Variants in SNTB2 observed in about 807,000 individuals in gnomAD.
SNTB2 encodes the protein beta-2-syntrophin.
Under a neutral mutation model 46.2 loss-of-function variants are expected in SNTB2, and 34 were observed. The observed-to-expected ratio is 0.74, with a 90% CI of 0.56 to 0.98. SNTB2 has a LOEUF of 0.98. Ranked by LOEUF, SNTB2 falls within the 50% of genes least tolerant of loss-of-function variation. The probability of loss-of-function intolerance (pLI) is 0.00; values close to 1 mark genes in which losing one functional copy is unlikely to be tolerated. For synonymous variants in SNTB2, 290 were observed against 312.6 expected, an observed-to-expected ratio of 0.93 and a Z score of 0.76; for missense variants, 603 against 731.4, an observed-to-expected ratio of 0.82 and a Z score of 2.02.
chr16:69,301,766 G>A lies in SNTB2; in HGVS notation c.*842G>A, dbSNP rs1024404356. 2 of 152,388 alleles carry A rather than the reference G, an allele frequency of 1.3e-5. No individual in the cohort carries two copies. Among genetic ancestry groups the A allele is most frequent in the African/African-American group, 4.8e-5 (2 of 41,402 alleles). The allele number at this position is 152,388 out of a possible 1,614,324, so 9.4% of individuals were successfully genotyped here. On this transcript the variant is annotated 3_prime_UTR_variant, in exon 7 of 7. Coordinates refer to ENST00000336278, the MANE Select transcript of SNTB2 (RefSeq NM_006750.4). ...CCTAGGTTAAGCCATTTTTTTTATT[G>A]CTTACCAAATGTGCCTTTGGTTAGG... is the stretch of plus-strand genomic sequence containing the variant.
intron 1 of SNTB2, among the ~76,000 whole-genome samples, chr16:69,242,177 A>G (rs191869690): frequency 2.7e-4 from 41 of 151,988 alleles, no homozygotes; most frequent in African/African-American, 9.4e-4. Flanking sequence ...TGTAATCCCA[A>G]CGCTTTGAGA....
chr16:69,284,735 C>G (rs901234962), intron 5 of SNTB2, among the ~76,000 whole-genome samples: 1 of 152,148 alleles, frequency 6.6e-6, no homozygotes, highest in African/African-American at 2.4e-5. Flanking sequence ...GATCACACCA[C>G]TGCACTCCAG....
chr16:69,289,579 TGTAACAAAATATCAG>T (rs1965140256), intron 5 of SNTB2, among the ~76,000 whole-genome samples: 1 of 152,284 alleles, frequency 6.6e-6, no homozygotes, highest in African/African-American at 2.4e-5. Flanking sequence ...ATTTTACACA[TGTAACAAAATATCAG>T]GTAACAAAAT....
intron 1 of SNTB2, among the ~76,000 whole-genome samples, chr16:69,235,074 A>G (rs554033469): frequency 6.6e-6 from 1 of 151,176 alleles, no homozygotes; most frequent in East Asian, 2.0e-4. Context: ...TGTGTGGTGC[A>G]ATTTTGGCTC....
chr16:69,210,923 G>A (rs1053119537), intron 1 of SNTB2, among the ~76,000 whole-genome samples: 6 of 151,978 alleles, frequency 3.9e-5, no homozygotes, highest in East Asian at 1.9e-4. Flanking sequence ...CCTGGGAGGC[G>A]GAGGTTGCAG....
At position 69,304,463 on chromosome 16, in the gene SNTB2, G is replaced by C. The variant is rs926832835; in HGVS notation, c.*3539G>C. On this transcript the variant is annotated 3_prime_UTR_variant, in exon 7 of 7. Coordinates refer to ENST00000336278, the MANE Select transcript of SNTB2 (RefSeq NM_006750.4). Reference sequence around the variant, plus strand: ...TATGTTCTGTACTCTCACAAACTTTGTTACTCAAAATTATTGCATGGCAGG... The same window carrying C: ...TATGTTCTGTACTCTCACAAACTTTCTTACTCAAAATTATTGCATGGCAGG... The C allele has an allele frequency of 6.6e-6, 1 of 152,498 alleles. No homozygotes were observed. The highest frequency in any genetic ancestry group is 2.1e-4 in the South Asian group (1 of 4,830). The allele number at this position is 152,498 out of a possible 1,614,324, so 9.4% of individuals were successfully genotyped here.
intron 1 of SNTB2, among the ~76,000 whole-genome samples, chr16:69,195,138 A>C (rs913307126): frequency 6.6e-6 from 1 of 152,230 alleles, no homozygotes; most frequent in East Asian, 1.9e-4. Flanking sequence ...GTAGAACAAC[A>C]AAAGTATATA....
At chr16:69,252,013 C>T (rs1175172504) in intron 2 of SNTB2, among the ~76,000 whole-genome samples, 1 of 152,226 alleles carries the variant, frequency 6.6e-6, no homozygotes, top group Non-Finnish European at 1.5e-5. Flanking sequence ...ATGAGAGTTT[C>T]CATTGCTCCA....
chr16:69,229,049 A>G (rs1021539591), intron 1 of SNTB2, among the ~76,000 whole-genome samples: 4 of 152,232 alleles, frequency 2.6e-5, no homozygotes, highest in African/African-American at 9.6e-5. Context: ...AGGCAATTCC[A>G]TACTGATACC....
chr16:69,250,333 C>T (rs898440312), intron 2 of SNTB2, among the ~76,000 whole-genome samples: 1 of 152,250 alleles, frequency 6.6e-6, no homozygotes, highest in Non-Finnish European at 1.5e-5. Flanking sequence ...AATTAGACCT[C>T]AGTTATGAGA....
At chr16:69,192,579 G>A (rs1316349407) in intron 1 of SNTB2, among the ~76,000 whole-genome samples, 1 of 152,020 alleles carries the variant, frequency 6.6e-6, no homozygotes, top group Non-Finnish European at 1.5e-5. Context: ...TCCTTTAAAG[G>A]TTCTTTTTTC....
intron 4 of SNTB2, among the ~76,000 whole-genome samples, chr16:69,278,933 T>TGTGTGTG (rs750329569): frequency 2.7e-5 from 4 of 148,746 alleles, no homozygotes; most frequent in Admixed American, 1.3e-4. Flanking sequence ...TGTGTGTGTG[T>TGTGTGTG]TAATAAACTC....
At chr16:69,189,213 C>T (rs1277920042) in intron 1 of SNTB2, among the ~76,000 whole-genome samples, 1 of 152,022 alleles carries the variant, frequency 6.6e-6, no homozygotes, top group Non-Finnish European at 1.5e-5. Flanking sequence ...ATTTATATTG[C>T]ATGTCTAGGT....
chr16:69,223,814 T>C (rs1964431200), intron 1 of SNTB2, among the ~76,000 whole-genome samples: 1 of 152,066 alleles, frequency 6.6e-6, no homozygotes, highest in African/African-American at 2.4e-5. Context: ...ATTTTGTTTG[T>C]AGAGACGGGG....
At chr16:69,207,154 C>CTTTCTTTTTTTTTT (rs771500331) in intron 1 of SNTB2, among the ~76,000 whole-genome samples, 3 of 126,448 alleles carry the variant, frequency 2.4e-5, no homozygotes, top group Non-Finnish European at 5.0e-5. Context: ...TTCTTTCTTT[C>CTTTCTTTTTTTTTT]TTTTTTTTTT....
intron 4 of SNTB2, among the ~76,000 whole-genome samples, chr16:69,281,493 T>C: frequency 6.6e-6 from 1 of 150,478 alleles, no homozygotes; most frequent in South Asian, 2.1e-4. Context: ...TGGTTTTTTT[T>C]TTTTTGTTTT....
chr16:69,289,667 G>A (rs981029804), intron 5 of SNTB2, among the ~76,000 whole-genome samples: 4 of 152,070 alleles, frequency 2.6e-5, no homozygotes, highest in Admixed American at 2.6e-4. Flanking sequence ...ATTACACTGT[G>A]GTTCGCACCT....
intron 4 of SNTB2, among the ~76,000 whole-genome samples, chr16:69,278,431 A>G (rs115003207): frequency 0.018 from 2,752 of 151,344 alleles, 82 homozygotes; most frequent in African/African-American, 0.062. Context: ...GTTTTCCTAT[A>G]TGTATACTTC....
chr16:69,247,757 A>G (rs1464434064), intron 2 of SNTB2, among the ~76,000 whole-genome samples: 1 of 152,310 alleles, frequency 6.6e-6, no homozygotes, highest in East Asian at 1.9e-4. Flanking sequence ...ATGAGATAGT[A>G]CCTATAAAGG....
Sources: gnomAD v4.1 joint callset for allele counts (sites outside exome capture counted in the v4.1 genomes callset) on GRCh38, gnomAD v4.1.1 for gene constraint, MANE v1.5 for transcripts, NCBI Gene and HGNC (gene_info 2026-07-23, HGNC 2026-07-21) for gene names.